Variants in CTNNA3 observed in about 807,000 individuals in gnomAD.
The protein encoded by CTNNA3 is catenin alpha 3.
Under a neutral mutation model 95.7 loss-of-function variants are expected in CTNNA3, and 76 were observed. The observed-to-expected ratio is 0.79, with a 90% confidence interval of 0.66 to 0.96. CTNNA3 has a LOEUF of 0.96. Among genes scored for constraint, CTNNA3 ranks in the 40% least tolerant of loss-of-function variants. The pLI is 0.00. For synonymous variants in CTNNA3, 431 were observed against 374.4 expected, an observed-to-expected ratio of 1.15 and a Z score of -1.74; for missense variants, 1,191 against 1,089.8, an observed-to-expected ratio of 1.09 and a Z score of -1.31.
chr10:67,416,419 T>A (rs1414000852), intron 5 of CTNNA3, among the ~76,000 whole-genome samples: 1 of 151,712 alleles, frequency 6.6e-6, no homozygotes, highest in Non-Finnish European at 1.5e-5. Flanking sequence ...CCATCCTGGC[T>A]AACACAGTGA....
intron 7 of CTNNA3, among the ~76,000 whole-genome samples, chr10:66,864,403 T>C (rs112774811): frequency 0.012 from 1,871 of 152,246 alleles, 42 homozygotes; most frequent in African/African-American, 0.043. Context: ...TGTAATGACA[T>C]AGTAAGAAGG....
chr10:66,336,775 A>G (rs2092401661), intron 12 of CTNNA3, among the ~76,000 whole-genome samples: 1 of 152,148 alleles, frequency 6.6e-6, no homozygotes, highest in Non-Finnish European at 1.5e-5. Flanking sequence ...AATTGGGTTG[A>G]AAAATTCTCT....
chr10:65,940,066 A>T (rs543833598), intron 17 of CTNNA3, among the ~76,000 whole-genome samples: 2 of 152,282 alleles, frequency 1.3e-5, no homozygotes, highest in East Asian at 3.9e-4. Flanking sequence ...AACCCAAACC[A>T]ATCTAATAAT....
intron 7 of CTNNA3, among the ~76,000 whole-genome samples, chr10:66,842,246 A>G (rs2132351295): frequency 6.6e-6 from 1 of 151,952 alleles, no homozygotes; most frequent in East Asian, 1.9e-4. Context: ...CCCAGCTGCT[A>G]CTTTCTTAAT....
chr10:66,164,472 A>C (rs2085018940), intron 13 of CTNNA3, among the ~76,000 whole-genome samples: 1 of 151,986 alleles, frequency 6.6e-6, no homozygotes, highest in African/African-American at 2.4e-5. Context: ...GAAGGTATCC[A>C]AGAACAGCTA....
intron 9 of CTNNA3, among the ~76,000 whole-genome samples, chr10:66,640,751 T>C (rs74141603): frequency 0.021 from 3,125 of 152,202 alleles, 117 homozygotes; most frequent in African/African-American, 0.071. Context: ...CCCCCACCAT[T>C]AGTAGTCAAG....
At chr10:67,691,265 G>T (rs1425294033) in intron 1 of CTNNA3, among the ~76,000 whole-genome samples, 1 of 152,226 alleles carries the variant, frequency 6.6e-6, no homozygotes, top group Non-Finnish European at 1.5e-5. Flanking sequence ...CCAGCAGCCT[G>T]CCTTGGCCTC....
At chr10:67,553,880 G>T (rs1045998721) in intron 3 of CTNNA3, among the ~76,000 whole-genome samples, 4 of 151,844 alleles carry the variant, frequency 2.6e-5, no homozygotes, top group Non-Finnish European at 2.9e-5. Context: ...ATTTACATTA[G>T]GTATATCTCC....
At chr10:67,446,495 T>G (rs1181068888) in intron 5 of CTNNA3, among the ~76,000 whole-genome samples, 3 of 152,192 alleles carry the variant, frequency 2.0e-5, no homozygotes, top group African/African-American at 7.2e-5. Flanking sequence ...CTCTCACTTA[T>G]CATCTATGTA....
chr10:66,825,183 A>G (rs965034656), intron 7 of CTNNA3, among the ~76,000 whole-genome samples: 1 of 148,802 alleles, frequency 6.7e-6, no homozygotes, highest in African/African-American at 2.4e-5. Flanking sequence ...AAAATAGCAT[A>G]TATTTTTTAA....
At chr10:67,708,861 T>C (rs1381754773) in intron 1 of CTNNA3, among the ~76,000 whole-genome samples, 1 of 152,108 alleles carries the variant, frequency 6.6e-6, no homozygotes, top group Non-Finnish European at 1.5e-5. Flanking sequence ...GAACTTATAC[T>C]CTCTTTATAA....
intron 5 of CTNNA3, among the ~76,000 whole-genome samples, chr10:67,501,938 C>T (rs1468233390): frequency 6.6e-6 from 1 of 152,086 alleles, no homozygotes; most frequent in Non-Finnish European, 1.5e-5. Context: ...GAGTTTGTTA[C>T]TCTCCACCTT....
intron 14 of CTNNA3, among the ~76,000 whole-genome samples, chr10:66,094,126 T>G (rs2081306527): frequency 2.0e-5 from 3 of 152,046 alleles, no homozygotes; most frequent in Admixed American, 1.3e-4. Flanking sequence ...GCTGGGCTAA[T>G]CTGGAATCCT....
At chr10:66,502,282 A>G (rs921936198) in intron 11 of CTNNA3, among the ~76,000 whole-genome samples, 1 of 152,182 alleles carries the variant, frequency 6.6e-6, no homozygotes, top group Non-Finnish European at 1.5e-5. Flanking sequence ...TTGGTCTGGC[A>G]TGATCTCTCT....
intron 13 of CTNNA3, among the ~76,000 whole-genome samples, chr10:66,275,419 G>A (rs2091373906): frequency 6.6e-6 from 1 of 152,150 alleles, no homozygotes; most frequent in Admixed American, 6.5e-5. Flanking sequence ...ATTTGCATTT[G>A]AAGCATGGAC....
intron 10 of CTNNA3, among the ~76,000 whole-genome samples, chr10:66,535,160 G>GA (rs951838605): frequency 1.4e-4 from 20 of 146,644 alleles, no homozygotes; most frequent in East Asian, 7.9e-4. Flanking sequence ...TCTTAAGGGG[G>GA]AAAAAAAAAA....
intron 17 of CTNNA3, among the ~76,000 whole-genome samples, chr10:65,956,317 T>C (rs2077730881): frequency 6.6e-6 from 1 of 152,350 alleles, no homozygotes; most frequent in African/African-American, 2.4e-5. Flanking sequence ...CTATCAATTT[T>C]GTTGATCTTT....
chr10:66,122,145 G>A (rs1165922451), intron 13 of CTNNA3, among the ~76,000 whole-genome samples: 11 of 151,832 alleles, frequency 7.2e-5, no homozygotes. Flanking sequence ...ATAGAGAGAT[G>A]AAAACTCTAA....
intron 7 of CTNNA3, among the ~76,000 whole-genome samples, chr10:66,783,106 T>G (rs577453354): frequency 2.0e-5 from 3 of 152,260 alleles, no homozygotes; most frequent in African/African-American, 7.2e-5. Context: ...AATTAAGTAC[T>G]GAGAACACTA....
Sources: gnomAD v4.1 joint callset for allele counts (sites outside exome capture counted in the v4.1 genomes callset) on GRCh38, gnomAD v4.1.1 for gene constraint, MANE v1.5 for transcripts, NCBI Gene and HGNC (gene_info 2026-07-23, HGNC 2026-07-21) for gene names.